CCDC150: variants seen among roughly 807,000 people sequenced by gnomAD.
The protein encoded by CCDC150 is coiled-coil domain-containing protein 150.
CCDC150 carries 151 observed loss-of-function variants against 156.5 expected under a neutral mutation model. That is an observed-to-expected ratio of 0.97 (90% CI 0.85 to 1.10). The LOEUF (loss-of-function observed/expected upper bound fraction) is 1.10, where lower values mean the gene tolerates loss of function less well. CCDC150 is among the 50% of genes least tolerant of loss of function. The pLI is 0.00. For synonymous variants in CCDC150, 452 were observed against 429.4 expected (o/e 1.05, Z -0.65); for missense variants, 1,312 against 1,268.1 (o/e 1.03, Z -0.53).
intron 1 of CCDC150, 142 bp from the exon 2 acceptor site, chr2:196,646,199 A>T: frequency 1.5e-6 from 1 of 658,184 alleles, no homozygotes; most frequent in Non-Finnish European, 2.6e-6. Flanking sequence ...ACTTCCACCT[A>T]CATTTAATTG....
Position 196,656,988 on chromosome 2 carries a change from A to G in CCDC150, c.428A>G (p.Gln143Arg). 6.2e-7 allele frequency: 1 copy of G among 1,613,684 alleles called. No homozygotes were observed. Among genetic ancestry groups the G allele is most frequent in the East Asian group, 2.2e-5 (1 of 44,864 alleles). ...CTGAAAGATCGACTGAATGCAATAC[A>G]GGAAGAGCATTCTAAGGACCTGAAG... ...AFLKDRLNAI[Q>R]EEHSKDLKLL... The change falls in exon 4 of 28, where the codon CAG becomes CGG. Residue 143 changes from glutamine (Q) to arginine (R), a missense_variant. Gln to Arg is a conservative substitution (Grantham distance 43). Transcript: ENST00000389175.
Position 196,639,770 on chromosome 2 carries a change from G to C in CCDC150, c.4G>C (p.Asp2His). ...GTACGGAGCCTCAGGCGGACAGATG[G>C]ACTGTAAGGTGAGGCTGCCGGGCCC... M[D>H]CKVHMETTVS... Residue 2 changes from aspartate (D) to histidine (H), a missense_variant, in exon 1 of 28, where the codon GAC becomes CAC. Asp to His is a moderately conservative substitution (Grantham distance 81). Transcript: ENST00000389175. The C allele has an allele frequency of 6.3e-7, 1 of 1,580,036 alleles. No individual in the cohort carries two copies. Among genetic ancestry groups the C allele is most frequent in the Non-Finnish European group, 8.6e-7 (1 of 1,159,350 alleles).
intron 2 of CCDC150, among the ~76,000 whole-genome samples, chr2:196,655,195 G>A (rs1209888612): frequency 1.3e-5 from 2 of 152,202 alleles, no homozygotes; most frequent in African/African-American, 4.8e-5. Flanking sequence ...AAGCTCTGTG[G>A]CAAATACCTA....
chr2:196,714,040 T>A (rs557746461), intron 17 of CCDC150, among the ~76,000 whole-genome samples: 53 of 152,302 alleles, frequency 3.5e-4, no homozygotes, highest in African/African-American at 1.2e-3. Context: ...TGGAAAATAT[T>A]TTCTTGAGAA....
intron 14 of CCDC150, among the ~76,000 whole-genome samples, chr2:196,696,357 A>G (rs1695830047): frequency 6.6e-6 from 1 of 151,718 alleles, no homozygotes; most frequent in Admixed American, 6.6e-5. Flanking sequence ...AATCCCTGGT[A>G]TTATTTCAGA....
chr2:196,640,034 C>T (rs954149995), intron 1 of CCDC150, among the ~76,000 whole-genome samples: 1 of 152,174 alleles, frequency 6.6e-6, no homozygotes, highest in Non-Finnish European at 1.5e-5. Context: ...CAGATAAGCC[C>T]AATACCACCT....
chr2:196,730,184 T>A, intron 25 of CCDC150, 66 bp downstream of exon 25: 1 of 1,410,632 alleles, frequency 7.1e-7, no homozygotes, highest in South Asian at 1.4e-5. Context: ...AGCCCAGTAG[T>A]TTTGCACCTA....
At chr2:196,712,339 A>G (rs1462734918) in intron 16 of CCDC150, 87 bp downstream of exon 16, 2 of 709,558 alleles carry the variant, frequency 2.8e-6, no homozygotes, top group Non-Finnish European at 4.5e-6. Context: ...TTTACCACAC[A>G]ATCCCAGAAA....
intron 1 of CCDC150, among the ~76,000 whole-genome samples, chr2:196,641,487 T>C (rs1180987018): frequency 1.3e-5 from 2 of 152,208 alleles, no homozygotes; most frequent in South Asian, 2.1e-4. Context: ...TGAGGCCTTC[T>C]TTGACCACCC....
chr2:196,702,343 C>CTGTGTGTGTGTG (rs3220631), intron 15 of CCDC150, among the ~76,000 whole-genome samples: 6,106 of 143,688 alleles, frequency 0.042, 189 homozygotes, highest in East Asian at 0.1. Flanking sequence ...GACTGAAGTG[C>CTGTGTGTGTGTG]TGTGTGTGTG....
Position 196,730,940 on chromosome 2 carries a change from G to C in CCDC150, c.3064G>C (p.Glu1022Gln). 6.3e-7 allele frequency: 1 copy of C among 1,593,842 alleles called. No individual in the cohort carries two copies. Among genetic ancestry groups the C allele is most frequent in the African/African-American group, 1.3e-5 (1 of 74,606 alleles). The change falls in exon 26 of 28, where the codon GAA becomes CAA. Residue 1022 changes from glutamate (E) to glutamine (Q), a missense_variant. Glu to Gln is a conservative substitution (Grantham distance 29). Coordinates refer to ENST00000389175, the MANE Select transcript of CCDC150 (RefSeq NM_001080539.2). ...GCTGAAAGAAGCCAGTGTGGAATCA[G>C]AACAGGTGAGCCAGACCCACGGACA... ...NTLKEASVES[E>Q]QITANLEEAH...
chr2:196,676,122 A>G (rs1488837822), intron 10 of CCDC150, 21 bp from the exon 11 acceptor site: 2 of 1,612,326 alleles, frequency 1.2e-6, no homozygotes, highest in Non-Finnish European at 1.7e-6. Flanking sequence ...TTCAACTTCT[A>G]ATATTGCTTT....
intron 12 of CCDC150, 96 bp downstream of exon 12, chr2:196,676,827 C>T: frequency 8.7e-7 from 1 of 1,147,688 alleles, no homozygotes; most frequent in Non-Finnish European, 1.3e-6. Context: ...GAAATAAAAC[C>T]CAGATGCAGT....
intron 17 of CCDC150, 94 bp from the exon 18 acceptor site, chr2:196,718,409 T>C (rs1559272223): frequency 1.0e-6 from 1 of 990,142 alleles, no homozygotes; most frequent in Non-Finnish European, 1.5e-6. Flanking sequence ...TGAATAAATA[T>C]ATTTAAACAT....
intron 5 of CCDC150, among the ~76,000 whole-genome samples, chr2:196,664,213 A>G (rs1693714057): frequency 1.3e-5 from 2 of 152,266 alleles, no homozygotes; most frequent in Non-Finnish European, 1.5e-5. Flanking sequence ...AATTCAATTC[A>G]GTCCTGACAC....
chr2:196,694,942 G>A (rs1343800321), intron 13 of CCDC150, 104 bp from the exon 14 acceptor site: 2 of 621,290 alleles, frequency 3.2e-6, no homozygotes, highest in Non-Finnish European at 5.7e-6. Context: ...GAAACATATG[G>A]ACAATACTGT....
chr2:196,703,337 AACAATAAAAAGAACT>A (rs752308931), intron 15 of CCDC150, among the ~76,000 whole-genome samples: 1 of 152,312 alleles, frequency 6.6e-6, no homozygotes, highest in East Asian at 1.9e-4. Context: ...ACATTACTAG[AACAATAAAAAGAACT>A]ACAATAAAAA....
intron 18 of CCDC150, 62 bp downstream of exon 18, chr2:196,718,693 T>A: frequency 6.4e-7 from 1 of 1,566,922 alleles, no homozygotes. Context: ...AAATCTTTCA[T>A]GAGCCATATG....
At chr2:196,720,147 C>G (rs998936573) in intron 19 of CCDC150, 11 of 397,302 alleles carry the variant, frequency 2.8e-5, no homozygotes, top group Non-Finnish European at 5.1e-5. Context: ...TAGAATGTTT[C>G]AAAAATTAAA....
Sources: allele counts gnomAD v4.1 joint callset (sites outside exome capture counted in the v4.1 genomes callset), GRCh38; gene constraint gnomAD v4.1.1; transcripts MANE v1.5; gene names NCBI Gene and HGNC (gene_info 2026-07-23, HGNC 2026-07-21).